Variants in GNAQ observed in about 807,000 individuals in gnomAD.
GNAQ encodes G protein subunit alpha q.
Under a neutral mutation model 43.9 loss-of-function variants are expected in GNAQ, and 8 were observed. The observed-to-expected ratio is 0.18, with a 90% CI of 0.11 to 0.33. The LOEUF is 0.33. Among genes scored for constraint, GNAQ ranks in the 10% least tolerant of loss-of-function variants. The pLI is 1.00. For missense variants in GNAQ, 158 were observed against 450.8 expected (o/e 0.35, Z 5.88); for synonymous variants, 155 against 170.7 (o/e 0.91, Z 0.71).
At chr9:77,942,921 G>C (rs1297938718) in intron 1 of GNAQ, among the ~76,000 whole-genome samples, 1 of 152,142 alleles carries the variant, frequency 6.6e-6, no homozygotes, top group Non-Finnish European at 1.5e-5. Flanking sequence ...TTGCAAATCT[G>C]CTGCACTTGG....
intron 2 of GNAQ, among the ~76,000 whole-genome samples, chr9:77,902,110 T>C (rs778965679): frequency 1.9e-4 from 29 of 152,356 alleles, no homozygotes; most frequent in Non-Finnish European, 4.3e-4. Flanking sequence ...TGAATTTATA[T>C]TTATCATAAA....
At chr9:77,957,336 A>T (rs1357532018) in intron 1 of GNAQ, among the ~76,000 whole-genome samples, 1 of 152,110 alleles carries the variant, frequency 6.6e-6, no homozygotes, top group Non-Finnish European at 1.5e-5. Context: ...AGCCCAGGCG[A>T]CAGTGCAAGA....
intron 6 of GNAQ, among the ~76,000 whole-genome samples, chr9:77,725,010 A>G (rs544314681): frequency 2.6e-4 from 40 of 152,254 alleles, no homozygotes; most frequent in Admixed American, 9.8e-4. Flanking sequence ...AAAGAACATT[A>G]TATTTCTGGC....
chr9:77,813,561 T>C (rs1001349406), intron 3 of GNAQ, among the ~76,000 whole-genome samples: 6 of 152,194 alleles, frequency 3.9e-5, no homozygotes, highest in South Asian at 2.1e-4. Context: ...ACTGAGGGTA[T>C]GTCATCAGAG....
chr9:78,000,835 C>T (rs1823634528), intron 1 of GNAQ, among the ~76,000 whole-genome samples: 2 of 152,094 alleles, frequency 1.3e-5, no homozygotes, highest in South Asian at 2.1e-4. Flanking sequence ...CATCCAAAAA[C>T]CCTCACAGAA....
chr9:77,982,820 T>G (rs77187708), intron 1 of GNAQ, among the ~76,000 whole-genome samples: 31,805 of 148,960 alleles, frequency 0.21, 3,548 homozygotes, highest in South Asian at 0.37. Context: ...GGGGGAGGGA[T>G]AGTAATGGGA....
intron 3 of GNAQ, among the ~76,000 whole-genome samples, chr9:77,811,488 T>C (rs1433266583): frequency 2.0e-5 from 3 of 152,168 alleles, no homozygotes; most frequent in African/African-American, 7.2e-5. Context: ...TTCTGAGTTA[T>C]TTGTGAACAT....
intron 2 of GNAQ, among the ~76,000 whole-genome samples, chr9:77,915,944 G>T (rs764361974): frequency 6.6e-6 from 1 of 152,144 alleles, no homozygotes; most frequent in Non-Finnish European, 1.5e-5. Context: ...ATTTCCCTCA[G>T]GGGCTGTCAA....
intron 2 of GNAQ, among the ~76,000 whole-genome samples, chr9:77,851,394 T>C (rs755211065): frequency 1.3e-5 from 2 of 152,162 alleles, no homozygotes; most frequent in African/African-American, 4.8e-5. Context: ...CTGATATGTG[T>C]CATTATCTGC....
chr9:77,841,554 C>T lies in GNAQ; in HGVS notation c.322-25784G>A, dbSNP rs564452055. On this transcript the variant is annotated intron_variant, in intron 2 of 6. Transcript: ENST00000286548. ...ATATTTTATTCTAAGGTTCTTCTTC[C>T]CCCTTTGCCTCCAACTTAGCTGCAT... Among the ~76,000 whole-genome samples the T allele has an allele frequency of 3.3e-4, 50 of 152,226 alleles. 1 individual carries two copies. The South Asian group carries it at 9.7e-3, about 30-fold the overall frequency.
intron 2 of GNAQ, among the ~76,000 whole-genome samples, chr9:77,899,445 G>A (rs1287786012): frequency 6.6e-6 from 1 of 151,984 alleles, no homozygotes; most frequent in East Asian, 1.9e-4. Context: ...GTCTGTGTGT[G>A]TGTGTACTCT....
intron 1 of GNAQ, among the ~76,000 whole-genome samples, chr9:77,927,737 T>C (rs893531642): frequency 2.6e-5 from 4 of 152,156 alleles, no homozygotes; most frequent in African/African-American, 9.7e-5. Flanking sequence ...ATATATTTAT[T>C]TCACACTGCC....
At chr9:77,919,963 A>C (rs1587409946) in intron 2 of GNAQ, among the ~76,000 whole-genome samples, 1 of 152,070 alleles carries the variant, frequency 6.6e-6, no homozygotes, top group Non-Finnish European at 1.5e-5. Context: ...ACATGGTGAA[A>C]CCCCGTCTCT....
chr9:77,865,253 G>A (rs10869979), intron 2 of GNAQ, among the ~76,000 whole-genome samples: 81,116 of 152,036 alleles, frequency 0.53, 25,008 homozygotes, highest in Non-Finnish European at 0.69. Flanking sequence ...GATGGCATTT[G>A]GTGAATACTT....
chr9:78,013,567 C>A (rs1260439662), intron 1 of GNAQ, among the ~76,000 whole-genome samples: 3 of 151,408 alleles, frequency 2.0e-5, no homozygotes, highest in African/African-American at 4.9e-5. Context: ...TCCAATGTTG[C>A]CTCTGAGAAG....
intron 2 of GNAQ, among the ~76,000 whole-genome samples, chr9:77,842,248 C>G (rs73453743): frequency 1.0e-3 from 152 of 152,284 alleles, no homozygotes; most frequent in African/African-American, 3.2e-3. Flanking sequence ...CTGCCTTGCA[C>G]TGGCATGGAA....
intron 2 of GNAQ, among the ~76,000 whole-genome samples, chr9:77,856,193 T>C (rs1564131426): frequency 6.6e-6 from 1 of 152,134 alleles, no homozygotes; most frequent in Non-Finnish European, 1.5e-5. Flanking sequence ...TATGGGTGTG[T>C]TTACCCTGTA....
chr9:77,796,898 T>G (rs1587920512), intron 4 of GNAQ, among the ~76,000 whole-genome samples: 1 of 152,228 alleles, frequency 6.6e-6, no homozygotes, highest in Non-Finnish European at 1.5e-5. Context: ...ACAGTTAAAA[T>G]GATTGCCCAA....
chr9:77,878,624 G>A (rs1196123095), intron 2 of GNAQ, among the ~76,000 whole-genome samples: 8 of 151,530 alleles, frequency 5.3e-5, no homozygotes, highest in Non-Finnish European at 1.2e-4. Flanking sequence ...AAAGAAAACC[G>A]GGTAATAAGG....
Sources: gnomAD v4.1 joint callset for allele counts (sites outside exome capture counted in the v4.1 genomes callset) on GRCh38, gnomAD v4.1.1 for gene constraint, MANE v1.5 for transcripts, NCBI Gene and HGNC (gene_info 2026-07-23, HGNC 2026-07-21) for gene names.